Variants in SCAND1 observed in about 807,000 individuals in gnomAD.
SCAND1 encodes the protein SCAN domain containing 1.
Under a neutral mutation model 3.4 loss-of-function variants are expected in SCAND1, and 3 were observed. That is an observed-to-expected ratio of 0.87 (90% CI 0.40 to 2.25). The LOEUF is 2.25. Among genes scored for constraint, SCAND1 ranks in the 30% most tolerant of loss-of-function variants. The pLI, the probability that SCAND1 is intolerant of heterozygous loss-of-function variation, is 0.05. For synonymous variants in SCAND1, 152 were observed against 120.5 expected (o/e 1.26, Z -1.72); for missense variants, 303 against 258.8 (o/e 1.17, Z -1.17).
At chr20:35,957,822 T>G (rs1399169299), upstream of SCAND1, 3 of 152,214 alleles carry the variant, frequency 2.0e-5, no homozygotes, top group Non-Finnish European at 4.4e-5. Context: ...TAGTCCAAAC[T>G]CTTATCTTAT....
upstream of SCAND1, among the ~76,000 whole-genome samples, chr20:35,958,423 C>T (rs954506608): frequency 1.3e-5 from 2 of 152,078 alleles, no homozygotes; most frequent in Non-Finnish European, 2.9e-5. Flanking sequence ...CAGTGTGAGA[C>T]TTCATCTCAA....
Position 35,954,314 on chromosome 20 carries a change from C to G in SCAND1, c.-30G>C, listed in dbSNP as rs972409370. On this transcript the variant is annotated 5_prime_UTR_variant, in exon 2 of 2. Coordinates refer to ENST00000305978, the MANE Select transcript of SCAND1 (RefSeq NM_033630.3). ...CCAGCTCCGGGCGTCACTCTTTGTCCGGTAGCTGTGTGCTCAGCACTGCGT... is the reference window on the plus strand; with the variant it reads ...CCAGCTCCGGGCGTCACTCTTTGTCGGGTAGCTGTGTGCTCAGCACTGCGT... The G allele has an allele frequency of 1.9e-6, 3 of 1,612,950 alleles. No individual in the cohort carries two copies. Among genetic ancestry groups the G allele is most frequent in the African/African-American group, 1.3e-5 (1 of 74,910 alleles).
At chr20:35,956,103 A>G (rs1361696186), upstream of SCAND1, among the ~76,000 whole-genome samples, 1 of 152,242 alleles carries the variant, frequency 6.6e-6, no homozygotes, top group African/African-American at 2.4e-5. Context: ...AAGGTTTTCT[A>G]TGACCTTGCA....
rs1189161546 is a variant in SCAND1, at chr20:35,953,944, A to T, written c.341T>A (p.Phe114Tyr). The change falls in exon 2 of 2, where the codon TTC becomes TAC. Residue 114 changes from phenylalanine to tyrosine, a missense_variant. Transcript: ENST00000305978. ...GGGACCCGCCGCATCCTGGTAGCGG[A>T]ACTGCCGGAAACGCTGGCGGAACGT... is the stretch of plus-strand genomic sequence containing the variant. ...PETFRQRFRQFRYQDAAGPRE... is the reference protein window; with the variant it reads ...PETFRQRFRQYRYQDAAGPRE... The T allele has an allele frequency of 6.3e-7, 1 of 1,578,480 alleles. No individual in the cohort carries two copies. Among genetic ancestry groups the T allele is most frequent in the Non-Finnish European group, 8.6e-7 (1 of 1,163,402 alleles).
At chr20:35,957,776 T>C (rs1170757669), upstream of SCAND1, 1 of 152,232 alleles carries the variant, frequency 6.6e-6, no homozygotes, top group African/African-American at 2.4e-5. Flanking sequence ...AGAAAGCTAG[T>C]AAGTGGTTTC....
At chr20:35,954,611 G>C, upstream of SCAND1, 1 of 1,364,646 alleles carries the variant, frequency 7.3e-7, no homozygotes, top group Non-Finnish European at 9.7e-7. Flanking sequence ...CGGTGCGGGA[G>C]GGCGAGCTGC....
At chr20:35,955,180 C>T (rs1000532386), upstream of SCAND1, 2 of 163,962 alleles carry the variant, frequency 1.2e-5, no homozygotes, top group Admixed American at 1.3e-4. Flanking sequence ...TGAGTTGACT[C>T]AGCTCTTGCA....
rs2056217191 is a variant in SCAND1 at position 35,954,233 on chromosome 20, G to A, written c.52C>T (p.Pro18Ser). 6.2e-7 allele frequency: 1 copy of A among 1,612,796 alleles called. No individual in the cohort carries two copies. Among genetic ancestry groups the A allele is most frequent in the Non-Finnish European group, 8.5e-7 (1 of 1,179,946 alleles). The change falls in exon 2 of 2, where the codon CCA becomes TCA. Residue 18 changes from proline (P) to serine (S), a missense_variant. Pro to Ser is a moderately conservative substitution (Grantham distance 74). Transcript: ENST00000305978. ...CCGGCTCCTTCCAGTTTCTCCGGTG[G>A]CACCGCCGCGGGACTCCCAGTGGCC... Reference protein sequence around the residue: ...LAATGSPAAVPPEKLEGAGSS... With the variant: ...LAATGSPAAVSPEKLEGAGSS...
Position 35,954,478 on chromosome 20 carries a change from A to T in SCAND1, c.-86T>A. The T allele has an allele frequency of 1.9e-6, 3 of 1,546,690 alleles. No individual in the cohort carries two copies. The highest frequency in any genetic ancestry group is 1.7e-4 in the Middle Eastern group (1 of 5,990). ...CCAGCGAAGCGCCTGCGGCAGCCGGAAGCGAAAGTCTCTGGCTTCTCTGCG... is the reference window on the plus strand; with the variant it reads ...CCAGCGAAGCGCCTGCGGCAGCCGGTAGCGAAAGTCTCTGGCTTCTCTGCG... On this transcript the variant is annotated 5_prime_UTR_variant, in exon 1 of 2. Transcript: ENST00000305978.
rs748060735 is a variant in SCAND1 at position 35,954,345 on chromosome 20, CG to C, written c.-55-7del. 3.1e-6 allele frequency: 5 copies of C among 1,608,022 alleles called. No individual in the cohort carries two copies. The highest frequency in any genetic ancestry group is 4.2e-6 in the Non-Finnish European group (5 of 1,177,300). ...CTGTGTGCTCAGCACTGCGTCTGCGCGGGGGTGGGGTGAGCAGGGAGACGTT... is the reference window on the plus strand; with the variant it reads ...CTGTGTGCTCAGCACTGCGTCTGCGCGGGGTGGGGTGAGCAGGGAGACGTT... On this transcript the variant is annotated splice_polypyrimidine_tract_variant and splice_region_variant and intron_variant, in intron 1 of 1. Coordinates refer to ENST00000305978, the MANE Select transcript of SCAND1 (RefSeq NM_033630.3).
upstream of SCAND1, among the ~76,000 whole-genome samples, chr20:35,956,158 A>G (rs2056254689): frequency 6.6e-6 from 1 of 152,234 alleles, no homozygotes; most frequent in Admixed American, 6.5e-5. Flanking sequence ...TTTAACAACC[A>G]TTAACATGCC....
chr20:35,954,521 G>A, upstream of SCAND1: 1 of 1,525,358 alleles, frequency 6.6e-7, no homozygotes, highest in Non-Finnish European at 8.8e-7. Flanking sequence ...CGGCGCGCGA[G>A]CACCCGGAAG....
chr20:35,954,061 G>GGCAGCTCCAGGGCCGCGGAGGCC lies in SCAND1; in HGVS notation c.201_223dup (p.Pro75ArgfsTer15). On this transcript the variant is annotated frameshift_variant, in exon 2 of 2. Transcript: ENST00000305978. LOFTEE classifies it low-confidence loss of function (END_TRUNC). ...TACGCTCACGGGTGCGGGCCCGAGA[G>GGCAGCTCCAGGGCCGCGGAGGCC]GCAGCTCCAGGGCCGCGGAGGCCGC... 6.5e-7 allele frequency: 1 copy of GGCAGCTCCAGGGCCGCGGAGGCC among 1,539,510 alleles called. No homozygotes were observed. The highest frequency in any genetic ancestry group is 8.8e-7 in the Non-Finnish European group (1 of 1,140,828).
upstream of SCAND1, among the ~76,000 whole-genome samples, chr20:35,957,511 C>T (rs747865375): frequency 1.2e-4 from 18 of 152,060 alleles, no homozygotes; most frequent in Admixed American, 2.0e-4. Flanking sequence ...AGTATGTACA[C>T]TCTACTTTGG....
At chr20:35,957,832 T>C (rs1033923788), upstream of SCAND1, 8 of 152,214 alleles carry the variant, frequency 5.3e-5, no homozygotes, top group African/African-American at 7.2e-5. Context: ...TCTTATCTTA[T>C]TAGGCCTCTT....
rs996940742 is a variant in SCAND1, at chr20:35,954,217, T to A, written c.68A>T (p.Glu23Val). 2 of 1,612,456 alleles carry A rather than the reference T, an allele frequency of 1.2e-6. No homozygotes were observed. The highest frequency in any genetic ancestry group is 2.7e-5 in the African/African-American group (2 of 74,852). Residue 23 changes from glutamate (E) to valine (V), a missense_variant, in exon 2 of 2, where the codon GAA (glutamate) becomes GTA (valine). Glu to Val is a moderately radical substitution (Grantham distance 121). Coordinates refer to ENST00000305978, the MANE Select transcript of SCAND1 (RefSeq NM_033630.3). Reference protein sequence around the residue: ...SPAAVPPEKLEGAGSSSAPER... With the variant: ...SPAAVPPEKLVGAGSSSAPER... ...AGGGGCTGAGCTCGAACCGGCTCCT[T>A]CCAGTTTCTCCGGTGGCACCGCCGC... is the stretch of plus-strand genomic sequence containing the variant.
Position 35,953,719 on chromosome 20 carries a change from G to C in SCAND1, c.*26C>G, listed in dbSNP as rs764991102. ...GGCCCCAGTCCGCACAGAGCGCCCGGCCCTGGCCGCCCGCAGCTCCACCGC... is the reference window on the plus strand; with the variant it reads ...GGCCCCAGTCCGCACAGAGCGCCCGCCCCTGGCCGCCCGCAGCTCCACCGC... On this transcript the variant is annotated 3_prime_UTR_variant, in exon 2 of 2. Coordinates refer to ENST00000305978, the MANE Select transcript of SCAND1 (RefSeq NM_033630.3). The C allele has an allele frequency of 7.2e-7, 1 of 1,398,282 alleles. No individual in the cohort carries two copies. The highest frequency in any genetic ancestry group is 9.3e-7 in the Non-Finnish European group (1 of 1,075,820). 86.6% of individuals were successfully genotyped at this position (1,398,282 alleles called of 1,614,324 possible).
chr20:35,955,182 G>A (rs6142467), upstream of SCAND1: 6 of 163,782 alleles, frequency 3.7e-5, no homozygotes, highest in African/African-American at 4.8e-5. Context: ...AGTTGACTCA[G>A]CTCTTGCAAC....
At position 35,953,938 on chromosome 20, in the gene SCAND1, T is replaced by C; in HGVS notation, c.347A>G (p.Tyr116Cys). The C allele has an allele frequency of 2.5e-6, 4 of 1,580,432 alleles. No homozygotes were observed. In the South Asian group the frequency reaches 4.6e-5, roughly 18 times the overall value. Reference protein sequence around the residue: ...TFRQRFRQFRYQDAAGPREAF... With the variant: ...TFRQRFRQFRCQDAAGPREAF... Reference sequence around the variant, plus strand: ...CTCCCGGGGACCCGCCGCATCCTGGTAGCGGAACTGCCGGAAACGCTGGCG... The same window carrying C: ...CTCCCGGGGACCCGCCGCATCCTGGCAGCGGAACTGCCGGAAACGCTGGCG... Residue 116 changes from tyrosine (Y) to cysteine (C), a missense_variant, in exon 2 of 2, where the codon TAC becomes TGC. Tyr to Cys is a radical substitution (Grantham distance 194). Transcript: ENST00000305978.
Sources: gnomAD v4.1 joint callset for allele counts (sites outside exome capture counted in the v4.1 genomes callset) on GRCh38, gnomAD v4.1.1 for gene constraint, MANE v1.5 for transcripts, NCBI Gene and HGNC (gene_info 2026-07-23, HGNC 2026-07-21) for gene names.